Variants in PRELID2 observed in about 807,000 individuals in gnomAD.
PRELID2 encodes the protein PRELI domain containing 2.
PRELID2 carries 25 observed loss-of-function variants against 28.4 expected under a neutral mutation model. That is an observed-to-expected ratio of 0.88 (90% CI 0.64 to 1.23). The LOEUF (loss-of-function observed/expected upper bound fraction) is 1.23. Ranked by LOEUF, PRELID2 falls within the 50% of genes most tolerant of loss-of-function variation. The probability of loss-of-function intolerance (pLI) is 0.00; values close to 1 mark genes in which losing one functional copy is unlikely to be tolerated. For synonymous variants in PRELID2, 76 were observed against 71.6 expected (o/e 1.06, Z -0.31); for missense variants, 201 against 214.4 (o/e 0.94, Z 0.39).
chr5:145,672,614 A>C (rs1051926957), intron 1 of PRELID2, among the ~76,000 whole-genome samples: 5 of 152,080 alleles, frequency 3.3e-5, no homozygotes, highest in African/African-American at 1.2e-4. Flanking sequence ...AAATGAGAGG[A>C]GACTGCTAAG....
At chr5:145,527,847 T>A (rs1416964880) in intron 1 of PRELID2, among the ~76,000 whole-genome samples, 1 of 152,194 alleles carries the variant, frequency 6.6e-6, no homozygotes, top group African/African-American at 2.4e-5. Flanking sequence ...CTTAGAAGAG[T>A]GACTAGAACA....
rs199568370 is a variant in PRELID2 at position 145,757,816 on chromosome 5, G to GAA, written c.*2718_*2719dup. Among the ~76,000 whole-genome samples, 2 of 55,118 alleles carry GAA rather than the reference G, an allele frequency of 3.6e-5. No homozygotes were observed. Among genetic ancestry groups the GAA allele is most frequent in the South Asian group, 6.0e-4 (1 of 1,660 alleles). 36.2% of individuals were successfully genotyped at this position (55,118 alleles called of 152,430 possible). Reference sequence around the variant, plus strand: ...GACCCTATCTCAAAAAAAAGTAAATGAAAAAAAAAAAAAAAAAGACCATAA... The same window carrying GAA: ...GACCCTATCTCAAAAAAAAGTAAATGAAAAAAAAAAAAAAAAAAAGACCATAA... On this transcript the variant is annotated 3_prime_UTR_variant, in exon 7 of 7. Coordinates refer to ENST00000683046, the MANE Select transcript of PRELID2 (RefSeq NM_205846.3).
At chr5:145,552,676 CT>C (rs1201193195) in intron 1 of PRELID2, among the ~76,000 whole-genome samples, 3 of 152,106 alleles carry the variant, frequency 2.0e-5, no homozygotes, top group Non-Finnish European at 4.4e-5. Context: ...TGCCACCGTT[CT>C]TTTTTTAAAA....
chr5:145,831,379 A>G (rs918076431), intron 1 of PRELID2, among the ~76,000 whole-genome samples: 8 of 152,204 alleles, frequency 5.3e-5, no homozygotes, highest in Non-Finnish European at 7.3e-5. Flanking sequence ...CCCTAGCCCT[A>G]TGAACTGTGA....
chr5:145,647,011 G>A (rs566228640), intron 1 of PRELID2, among the ~76,000 whole-genome samples: 1 of 152,306 alleles, frequency 6.6e-6, no homozygotes, highest in Admixed American at 6.5e-5. Flanking sequence ...ACCTACTTGA[G>A]GAGGCATTCT....
At chr5:145,365,702 G>A in the PRELID2 span, among the ~76,000 whole-genome samples, 100,120 of 151,560 alleles carry the variant, frequency 0.66, 33,299 homozygotes, top group East Asian at 0.89. Flanking sequence ...TATAAATAAT[G>A]TGCCTCCCTC....
intron 1 of PRELID2, among the ~76,000 whole-genome samples, chr5:145,588,703 C>T (rs1445943805): frequency 6.6e-6 from 1 of 152,054 alleles, no homozygotes; most frequent in Non-Finnish European, 1.5e-5. Context: ...CACAATTACA[C>T]TCATGCCTTT....
the PRELID2 span, among the ~76,000 whole-genome samples, chr5:145,387,658 A>G: frequency 6.6e-6 from 1 of 152,174 alleles, no homozygotes; most frequent in Non-Finnish European, 1.5e-5. Flanking sequence ...TAGGCTGAGC[A>G]TGGTGGCTCA....
intron 2 of PRELID2, among the ~76,000 whole-genome samples, chr5:145,821,099 A>C (rs899513589): frequency 2.0e-5 from 3 of 150,528 alleles, no homozygotes; most frequent in African/African-American, 4.9e-5. Context: ...ATTACTTTAG[A>C]GAGACAGTTA....
In PRELID2 at chr5:145,749,556, C is replaced by T. The variant is rs554759277; in HGVS notation, n.70+15375G>A. Among the ~76,000 whole-genome samples, 5 of 152,226 alleles carry T rather than the reference C, an allele frequency of 3.3e-5. No individual in the cohort carries two copies. In the East Asian group the frequency reaches 5.8e-4, roughly 18 times the overall value. On this transcript the variant is annotated intron_variant and non_coding_transcript_variant, in intron 1 of 2. Transcript: ENST00000510259. ...TCAACCATTGTGGAAGACAGTATGG[C>T]GATTCCCCAAAGATCTAGAATCAGA...
the PRELID2 span, chr5:145,229,526 A>G: frequency 6.9e-7 from 1 of 1,444,608 alleles, no homozygotes; most frequent in South Asian, 1.1e-5. Flanking sequence ...GAGGGTGACC[A>G]GCGTCAAGGA....
chr5:145,228,994 T>C, the PRELID2 span: 9 of 1,599,810 alleles, frequency 5.6e-6, no homozygotes, highest in Non-Finnish European at 6.8e-6. Context: ...AAGGTGTTCA[T>C]TGAGGATGTC....
chr5:145,803,742 A>AG (rs1753306154), intron 4 of PRELID2, among the ~76,000 whole-genome samples: 1 of 151,416 alleles, frequency 6.6e-6, no homozygotes, highest in South Asian at 2.1e-4. Context: ...AAGTAAAAAA[A>AG]AAAAAAAAAA....
At chr5:145,240,166 G>T in the PRELID2 span, among the ~76,000 whole-genome samples, 9 of 151,756 alleles carry the variant, frequency 5.9e-5, no homozygotes, top group African/African-American at 2.2e-4. Context: ...TTTATAAATG[G>T]GTACATCTCA....
the PRELID2 span, among the ~76,000 whole-genome samples, chr5:145,426,904 T>C: frequency 9.2e-5 from 14 of 152,336 alleles, no homozygotes; most frequent in African/African-American, 3.4e-4. Context: ...GAGATGGTCT[T>C]GTAGGATCCC....
chr5:145,382,360 C>T, the PRELID2 span, among the ~76,000 whole-genome samples: 1 of 151,718 alleles, frequency 6.6e-6, no homozygotes, highest in Non-Finnish European at 1.5e-5. Context: ...AATTAATAGA[C>T]CAAATGTTTC....
At chr5:145,373,558 G>T in the PRELID2 span, among the ~76,000 whole-genome samples, 1 of 8,636 alleles carries the variant, frequency 1.2e-4, no homozygotes, top group African/African-American at 4.6e-4. Flanking sequence ...TAATATATAT[G>T]ATATTATATA....
chr5:145,537,416 T>C (rs1364516752), intron 1 of PRELID2, among the ~76,000 whole-genome samples: 8 of 151,864 alleles, frequency 5.3e-5, no homozygotes, highest in African/African-American at 1.9e-4. Context: ...TCCATAACTA[T>C]ACTAGTTTAC....
chr5:145,391,626 C>T, the PRELID2 span, among the ~76,000 whole-genome samples: 1 of 152,074 alleles, frequency 6.6e-6, no homozygotes, highest in Non-Finnish European at 1.5e-5. Flanking sequence ...ACATTCAACT[C>T]CTCATTACTT....
Sources: allele counts gnomAD v4.1 joint callset (sites outside exome capture counted in the v4.1 genomes callset), GRCh38; gene constraint gnomAD v4.1.1; transcripts MANE v1.5; gene names NCBI Gene and HGNC (gene_info 2026-07-23, HGNC 2026-07-21).